Variants in SIPA1L1 observed in about 807,000 individuals in gnomAD.
The protein encoded by SIPA1L1 is signal induced proliferation associated 1 like 1.
SIPA1L1 carries 26 observed loss-of-function variants against 162.7 expected under a neutral mutation model. The ratio of observed to expected loss-of-function variants is 0.16; its 90% CI spans 0.12 to 0.22. The LOEUF is 0.22. Ranked by LOEUF, SIPA1L1 falls within the 10% of genes least tolerant of loss-of-function variation. SIPA1L1 has a pLI of 1.00. For missense variants in SIPA1L1, 1,874 were observed against 2,241.0 expected (o/e 0.84, Z 3.31); for synonymous variants, 829 against 837.4 (o/e 0.99, Z 0.17).
At chr14:71,643,615 A>G (rs1333467819) in intron 7 of SIPA1L1, among the ~76,000 whole-genome samples, 1 of 152,214 alleles carries the variant, frequency 6.6e-6, no homozygotes, top group Non-Finnish European at 1.5e-5. Context: ...AATAGAAGGC[A>G]CTTGGACTCA....
intron 2 of SIPA1L1, among the ~76,000 whole-genome samples, chr14:71,397,542 C>T (rs2041306031): frequency 1.3e-5 from 2 of 152,188 alleles, no homozygotes; most frequent in East Asian, 1.9e-4. Flanking sequence ...TGCACACATA[C>T]AGGCACATAT....
At chr14:71,523,412 C>G (rs1381623415) in intron 3 of SIPA1L1, among the ~76,000 whole-genome samples, 9 of 151,742 alleles carry the variant, frequency 5.9e-5, no homozygotes, top group Non-Finnish European at 1.2e-4. Flanking sequence ...TTAGATATGT[C>G]AAGCAACTTC....
At chr14:71,521,649 A>C (rs1426242859) in intron 3 of SIPA1L1, among the ~76,000 whole-genome samples, 1 of 152,238 alleles carries the variant, frequency 6.6e-6, no homozygotes, top group Admixed American at 6.5e-5. Flanking sequence ...TTTTGCTACA[A>C]ATATGTGTCC....
intron 4 of SIPA1L1, among the ~76,000 whole-genome samples, chr14:71,561,213 A>G (rs1159668356): frequency 1.3e-5 from 2 of 152,190 alleles, no homozygotes; most frequent in Non-Finnish European, 1.5e-5. Context: ...AATTTTTCCC[A>G]TGTAGTATAG....
intron 19 of SIPA1L1, among the ~76,000 whole-genome samples, chr14:71,727,697 A>G (rs2056350835): frequency 6.6e-6 from 1 of 152,184 alleles, no homozygotes; most frequent in Non-Finnish European, 1.5e-5. Flanking sequence ...TTCTTTCCCA[A>G]GGGCTGGCAG....
chr14:71,368,317 C>A (rs1156785820), intron 2 of SIPA1L1, among the ~76,000 whole-genome samples: 8 of 134,688 alleles, frequency 5.9e-5, no homozygotes, highest in East Asian at 2.2e-4. Context: ...CCGCTCCCCC[C>A]ACCCCACCAC....
In SIPA1L1 at chr14:71,383,279, A is replaced by G. The variant is rs534043253; in HGVS notation, c.-465+62098A>G. Among the ~76,000 whole-genome samples, 50 of 152,326 alleles carry G rather than the reference A, an allele frequency of 3.3e-4. 1 individual carries two copies. Among genetic ancestry groups the G allele is most frequent in the African/African-American group, 1.1e-3 (47 of 41,564 alleles). On this transcript the variant is annotated intron_variant, in intron 2 of 23. Transcript: ENST00000381232. ...TTAAGAAACTTGAAACTCTTAACCC[A>G]CACTGGTCCTGGAGAGTTCACTCTT...
intron 2 of SIPA1L1, among the ~76,000 whole-genome samples, chr14:71,481,429 A>T (rs1170934147): frequency 6.6e-6 from 1 of 152,166 alleles, no homozygotes; most frequent in Non-Finnish European, 1.5e-5. Flanking sequence ...CAGTGAACTG[A>T]GATGGCTCCA....
chr14:71,682,837 A>C (rs2045930493), intron 12 of SIPA1L1, among the ~76,000 whole-genome samples: 1 of 152,230 alleles, frequency 6.6e-6, no homozygotes, highest in Non-Finnish European at 1.5e-5. Flanking sequence ...GCCTGATGCA[A>C]AATGGACTTA....
At chr14:71,436,143 ACT>A (rs951968679) in intron 2 of SIPA1L1, among the ~76,000 whole-genome samples, 2 of 152,164 alleles carry the variant, frequency 1.3e-5, no homozygotes, top group East Asian at 1.9e-4. Context: ...CTGTGAATTG[ACT>A]CTGCCAATTT....
intron 7 of SIPA1L1, among the ~76,000 whole-genome samples, chr14:71,627,391 C>G (rs1039880360): frequency 4.6e-5 from 7 of 151,888 alleles, no homozygotes; most frequent in African/African-American, 1.7e-4. Context: ...AGGTGATCCA[C>G]CCTCCTTGGC....
intron 5 of SIPA1L1, among the ~76,000 whole-genome samples, chr14:71,593,729 T>G (rs767337756): frequency 2.0e-5 from 3 of 152,178 alleles, no homozygotes; most frequent in Non-Finnish European, 4.4e-5. Flanking sequence ...TGTGTTCTCC[T>G]TGAATCCTAT....
intron 5 of SIPA1L1, among the ~76,000 whole-genome samples, chr14:71,598,522 A>T (rs1432818619): frequency 6.6e-6 from 1 of 152,230 alleles, no homozygotes; most frequent in African/African-American, 2.4e-5. Flanking sequence ...ACTTGAAACT[A>T]TCAGACAAAC....
At chr14:71,662,487 T>G (rs898136575) in intron 10 of SIPA1L1, among the ~76,000 whole-genome samples, 2 of 152,220 alleles carry the variant, frequency 1.3e-5, no homozygotes, top group African/African-American at 4.8e-5. Flanking sequence ...TTATCTCCAT[T>G]TTCAGATGAT....
chr14:71,680,860 G>T (rs944937333), intron 12 of SIPA1L1, among the ~76,000 whole-genome samples: 2 of 152,148 alleles, frequency 1.3e-5, no homozygotes, highest in East Asian at 1.9e-4. Flanking sequence ...CAGGATGGGG[G>T]CGTCATGGGC....
chr14:71,502,708 C>G (rs991328528), intron 2 of SIPA1L1, among the ~76,000 whole-genome samples: 3 of 152,144 alleles, frequency 2.0e-5, no homozygotes, highest in Admixed American at 6.5e-5. Flanking sequence ...GACTATTTTT[C>G]ACCTACATTA....
At chr14:71,417,471 A>G (rs1451113283) in intron 2 of SIPA1L1, among the ~76,000 whole-genome samples, 1 of 100,322 alleles carries the variant, frequency 1.0e-5, no homozygotes, top group Non-Finnish European at 2.1e-5. Context: ...CTCCGTCTCA[A>G]AAAAAAAAAA....
intron 2 of SIPA1L1, among the ~76,000 whole-genome samples, chr14:71,417,752 G>GT (rs892990200): frequency 5.9e-5 from 9 of 152,030 alleles, no homozygotes; most frequent in African/African-American, 2.2e-4. Context: ...AACTCGTATT[G>GT]TTGAAGGGTC....
At position 71,723,934 on chromosome 14, in the gene SIPA1L1, C is replaced by G. The variant is rs375450492; in HGVS notation, c.4448+48C>G. On this transcript the variant is annotated intron_variant, in intron 18 of 23. Transcript: ENST00000381232. Reference sequence around the variant, plus strand: ...TGCTGGTGGCTTGCTTTTAACAGGACAGAGAATAGAAAAGCTTGGCGTGAT... The same window carrying G: ...TGCTGGTGGCTTGCTTTTAACAGGAGAGAGAATAGAAAAGCTTGGCGTGAT... 11 of 1,608,182 alleles carry G rather than the reference C, an allele frequency of 6.8e-6. No individual in the cohort carries two copies. The East Asian group carries it at 2.5e-4, about 36-fold the overall frequency.
Sources: gnomAD v4.1 joint callset for allele counts (sites outside exome capture counted in the v4.1 genomes callset) on GRCh38, gnomAD v4.1.1 for gene constraint, MANE v1.5 for transcripts, NCBI Gene and HGNC (gene_info 2026-07-23, HGNC 2026-07-21) for gene names.